ZNF385D: variants seen among roughly 807,000 people sequenced by gnomAD.
The protein encoded by ZNF385D is zinc finger protein 385D, also known as zinc finger protein 659.
Under a neutral mutation model 35.8 loss-of-function variants are expected in ZNF385D, and 15 were observed. The ratio of observed to expected loss-of-function variants is 0.42; its 90% CI spans 0.28 to 0.64. ZNF385D has a LOEUF of 0.64. ZNF385D is among the 30% of genes least tolerant of loss of function. ZNF385D has a pLI of 0.23. For synonymous variants in ZNF385D, 212 were observed against 186.8 expected, an observed-to-expected ratio of 1.13 and a Z score of -1.10; for missense variants, 474 against 494.6, an observed-to-expected ratio of 0.96 and a Z score of 0.39.
chr3:22,193,794 A>G (rs554765536), intron 2 of ZNF385D, among the ~76,000 whole-genome samples: 143 of 152,136 alleles, frequency 9.4e-4, no homozygotes, highest in African/African-American at 3.3e-3. Context: ...AAATACCCAA[A>G]GCCTCAAAGA....
intron 2 of ZNF385D, among the ~76,000 whole-genome samples, chr3:22,331,254 T>C (rs1268943780): frequency 6.6e-6 from 1 of 152,188 alleles, no homozygotes; most frequent in Non-Finnish European, 1.5e-5. Flanking sequence ...AGGCTTTGCA[T>C]AGATTACACA....
intron 3 of ZNF385D, among the ~76,000 whole-genome samples, chr3:22,031,373 C>T (rs1697992243): frequency 6.6e-6 from 1 of 152,208 alleles, no homozygotes; most frequent in African/African-American, 2.4e-5. Flanking sequence ...TATTTGTCTA[C>T]ATTCTTTAAA....
intron 3 of ZNF385D, among the ~76,000 whole-genome samples, chr3:21,922,386 C>T (rs553621346): frequency 1.3e-5 from 2 of 152,260 alleles, no homozygotes; most frequent in South Asian, 2.1e-4. Flanking sequence ...CAAATTCAAA[C>T]TATACTATAA....
chr3:22,183,291 C>G (rs1695405894), intron 2 of ZNF385D, among the ~76,000 whole-genome samples: 2 of 152,098 alleles, frequency 1.3e-5, no homozygotes, highest in African/African-American at 4.8e-5. Flanking sequence ...TTAAAGGTAA[C>G]AGTATGCATT....
chr3:22,005,653 C>G (rs563557336), intron 3 of ZNF385D, among the ~76,000 whole-genome samples: 1 of 152,040 alleles, frequency 6.6e-6, no homozygotes, highest in East Asian at 1.9e-4. Flanking sequence ...AATATTCACA[C>G]CTCATTATAT....
intron 3 of ZNF385D, among the ~76,000 whole-genome samples, chr3:22,109,455 C>G (rs1478445396): frequency 6.6e-6 from 1 of 152,122 alleles, no homozygotes; most frequent in East Asian, 1.9e-4. Flanking sequence ...GACAACATTA[C>G]ATCTTCTTGC....
intron 2 of ZNF385D, among the ~76,000 whole-genome samples, chr3:22,191,253 G>A (rs146327661): frequency 0.029 from 4,389 of 152,186 alleles, 212 homozygotes; most frequent in African/African-American, 0.099. Flanking sequence ...CACTTTGGGA[G>A]GCCGAGGCAG....
intron 3 of ZNF385D, among the ~76,000 whole-genome samples, chr3:22,059,303 G>T (rs1406703750): frequency 6.6e-6 from 1 of 152,188 alleles, no homozygotes; most frequent in Non-Finnish European, 1.5e-5. Flanking sequence ...GACTGTGTGT[G>T]CATGAAAGGG....
In ZNF385D at chr3:22,246,023, T is replaced by C. The variant is rs367740167; in HGVS notation, c.107-76988A>G. Among the ~76,000 whole-genome samples the C allele has an allele frequency of 4.6e-4, 70 of 152,248 alleles. 1 individual carries two copies. In the East Asian group the frequency reaches 0.011, roughly 24 times the overall value. ...CCACGAAGCCAGCCTACTACCACTTTTGCTTTCTAGACACACAACATTTGG... is the reference window on the plus strand; with the variant it reads ...CCACGAAGCCAGCCTACTACCACTTCTGCTTTCTAGACACACAACATTTGG... On this transcript the variant is annotated intron_variant, in intron 2 of 5. Coordinates refer to the ZNF385D transcript ENST00000494108.
intron 1 of ZNF385D, among the ~76,000 whole-genome samples, chr3:21,670,504 T>TC (rs1469602128): frequency 6.6e-6 from 1 of 151,746 alleles, no homozygotes; most frequent in Non-Finnish European, 1.5e-5. Context: ...ATTTGCTATG[T>TC]CCACCGGGCA....
At chr3:22,046,904 TTATAC>T (rs1360243920) in intron 3 of ZNF385D, among the ~76,000 whole-genome samples, 1 of 152,148 alleles carries the variant, frequency 6.6e-6, no homozygotes, top group African/African-American at 2.4e-5. Context: ...CAGAAACACT[TTATAC>T]TATACTATAT....
intron 3 of ZNF385D, among the ~76,000 whole-genome samples, chr3:21,972,950 A>G (rs1703357237): frequency 6.6e-6 from 1 of 151,944 alleles, no homozygotes; most frequent in African/African-American, 2.4e-5. Flanking sequence ...CAAAGAAAAT[A>G]CTAGGACCCA....
At chr3:22,158,710 A>G (rs908599722) in intron 3 of ZNF385D, among the ~76,000 whole-genome samples, 1 of 152,026 alleles carries the variant, frequency 6.6e-6, no homozygotes, top group African/African-American at 2.4e-5. Flanking sequence ...GCCATTGCTT[A>G]GTGTTTCTGA....
At chr3:22,237,935 C>A (rs1217138689) in intron 2 of ZNF385D, among the ~76,000 whole-genome samples, 1 of 150,962 alleles carries the variant, frequency 6.6e-6, no homozygotes, top group Non-Finnish European at 1.5e-5. Context: ...AGTCACCACC[C>A]CTGGGCAAAT....
chr3:21,739,568 A>G (rs1446239229), intron 1 of ZNF385D, among the ~76,000 whole-genome samples: 2 of 152,180 alleles, frequency 1.3e-5, no homozygotes, highest in Non-Finnish European at 2.9e-5. Flanking sequence ...TTAGCCAGGC[A>G]TTTCTTTCCC....
chr3:22,034,630 A>G (rs569905955), intron 3 of ZNF385D, among the ~76,000 whole-genome samples: 2 of 152,330 alleles, frequency 1.3e-5, no homozygotes, highest in South Asian at 2.1e-4. Flanking sequence ...TAGATGTTGG[A>G]GCTATCAGAT....
At chr3:21,998,844 A>T (rs544091774) in intron 3 of ZNF385D, among the ~76,000 whole-genome samples, 1 of 152,210 alleles carries the variant, frequency 6.6e-6, no homozygotes, top group Non-Finnish European at 1.5e-5. Context: ...ATACGCACAC[A>T]CATAGACACA....
At chr3:21,445,963 A>G (rs1216014688) in intron 4 of ZNF385D, among the ~76,000 whole-genome samples, 4 of 152,068 alleles carry the variant, frequency 2.6e-5, no homozygotes, top group African/African-American at 9.7e-5. Flanking sequence ...TGGGGCCAAG[A>G]TGTTGGGGAA....
intron 2 of ZNF385D, among the ~76,000 whole-genome samples, chr3:21,633,678 T>G (rs1325387296): frequency 6.6e-6 from 1 of 152,096 alleles, no homozygotes; most frequent in Non-Finnish European, 1.5e-5. Flanking sequence ...ATAAATTCAT[T>G]ATGATTCTCA....
Sources: allele counts gnomAD v4.1 joint callset (sites outside exome capture counted in the v4.1 genomes callset), GRCh38; gene constraint gnomAD v4.1.1; transcripts MANE v1.5; gene names NCBI Gene and HGNC (gene_info 2026-07-23, HGNC 2026-07-21).